Variants in WDR3 observed in about 807,000 individuals in gnomAD.
WDR3 encodes the protein WD repeat-containing protein 3.
Under a neutral mutation model 123.7 loss-of-function variants are expected in WDR3, and 81 were observed. The ratio of observed to expected loss-of-function variants is 0.65; its 90% CI spans 0.55 to 0.79. WDR3 has a LOEUF of 0.79. WDR3 is among the 30% of genes least tolerant of loss of function. The probability of loss-of-function intolerance (pLI) is 0.00; values close to 1 mark genes in which losing one functional copy is unlikely to be tolerated. For missense variants in WDR3, 1,027 were observed against 1,123.2 expected (o/e 0.91, Z 1.22); for synonymous variants, 390 against 388.8 (o/e 1.00, Z -0.04).
In WDR3 at chr1:117,960,541, CAT is replaced by C. The variant is rs1652933044; in HGVS notation, c.*1095_*1096del. The C allele has an allele frequency of 6.6e-6, 1 of 152,236 alleles. No homozygotes were observed. 9.4% of individuals were successfully genotyped at this position (152,236 alleles called of 1,614,324 possible). On this transcript the variant is annotated 3_prime_UTR_variant, in exon 27 of 27. Coordinates refer to ENST00000349139, the MANE Select transcript of WDR3 (RefSeq NM_006784.3). The stretch of plus-strand genomic sequence containing the variant: ...AAGCATCAGCTTTTTCTTGTAATGT[CAT>C]GACTTTTCTCTGCTTTTTGGGAGCA...
rs376720488 is a variant in WDR3 at position 117,953,559 on chromosome 1, G to A, written c.2268+18G>A. On this transcript the variant is annotated intron_variant, in intron 21 of 26. Coordinates refer to ENST00000349139, the MANE Select transcript of WDR3 (RefSeq NM_006784.3). ...TGAAAGCAGTAAGTTGATATAGAAT[G>A]TGGTATCTCGTTTTTTAATAAGATC... 6.2e-7 allele frequency: 1 copy of A among 1,604,698 alleles called. No individual in the cohort carries two copies. Among genetic ancestry groups the A allele is most frequent in the Non-Finnish European group, 8.5e-7 (1 of 1,175,568 alleles).
intron 1 of WDR3, among the ~76,000 whole-genome samples, chr1:117,930,949 ATTTG>A (rs1571005644): frequency 1.3e-5 from 2 of 152,048 alleles, no homozygotes; most frequent in South Asian, 4.1e-4. Flanking sequence ...ATTGTGGAGA[ATTTG>A]TTTATTTATT....
chr1:117,934,431 T>C, intron 2 of WDR3, 42 bp from the exon 3 acceptor site: 1 of 1,598,010 alleles, frequency 6.3e-7, no homozygotes, highest in South Asian at 1.1e-5. Flanking sequence ...CTTGAGTTCA[T>C]GCTTAACTCT....
At chr1:117,936,620 G>A in intron 3 of WDR3, 149 bp from the exon 4 acceptor site, 1 of 500,344 alleles carries the variant, frequency 2.0e-6, no homozygotes, top group Non-Finnish European at 3.5e-6. Flanking sequence ...TAAGGCTGGT[G>A]TTTATTCCCC....
chr1:117,943,394 A>G lies in WDR3; in HGVS notation c.1098-2A>G. 6.2e-7 allele frequency: 1 copy of G among 1,611,770 alleles called. No individual in the cohort carries two copies. The highest frequency in any genetic ancestry group is 1.1e-5 in the South Asian group (1 of 90,740). On this transcript the variant is annotated splice_acceptor_variant, in intron 10 of 26. Transcript: ENST00000349139. LOFTEE classifies it high-confidence loss of function. Reference sequence around the variant, plus strand: ...AACATTTATGATTATTTTCTTGTACAGGTCCTTTGACTTGATTCATTCACC... The same window carrying G: ...AACATTTATGATTATTTTCTTGTACGGGTCCTTTGACTTGATTCATTCACC...
chr1:117,931,581 A>T (rs1650736558), intron 1 of WDR3, among the ~76,000 whole-genome samples: 1 of 152,290 alleles, frequency 6.6e-6, no homozygotes, highest in African/African-American at 2.4e-5. Flanking sequence ...AAACTCTATA[A>T]TTAGTATTCA....
chr1:117,952,080 T>G lies in WDR3; in HGVS notation c.1904+4T>G. ...CTCTCTTTGCACATGATGACAGGTA[T>G]GTATAGTCTTTTCAAATGTCTCCCT... On this transcript the variant is annotated splice_donor_region_variant and intron_variant, in intron 17 of 26. Coordinates refer to ENST00000349139, the MANE Select transcript of WDR3 (RefSeq NM_006784.3). 2 of 1,610,334 alleles carry G rather than the reference T, an allele frequency of 1.2e-6. No homozygotes were observed. Among genetic ancestry groups the G allele is most frequent in the Non-Finnish European group, 8.5e-7 (1 of 1,178,488 alleles).
rs1381007930 is a variant in WDR3 at position 117,940,929 on chromosome 1, G to A, written c.778G>A (p.Ala260Thr). ...AEDGAFETDE[A>T]PEDRILSCRK... ...GGATGGTGCCTTTGAGACGGATGAA[G>A]CCCCTGAGGATGTAATTCATTTTCA... is the stretch of plus-strand genomic sequence containing the variant. The change falls in exon 7 of 27, where the codon GCC becomes ACC. Residue 260 changes from alanine (A) to threonine (T), a missense_variant. By Grantham distance (58) the Ala-to-Thr change is moderately conservative. Coordinates refer to ENST00000349139, the MANE Select transcript of WDR3 (RefSeq NM_006784.3). The A allele has an allele frequency of 1.9e-6, 3 of 1,610,520 alleles. No homozygotes were observed. Among genetic ancestry groups the A allele is most frequent in the Non-Finnish European group, 2.5e-6 (3 of 1,179,102 alleles).
chr1:117,942,286 T>G, intron 9 of WDR3, 151 bp from the exon 10 acceptor site: 1 of 664,836 alleles, frequency 1.5e-6, no homozygotes, highest in Non-Finnish European at 2.7e-6. Context: ...TTATACTACA[T>G]TGTTTAATTA....
chr1:117,955,390 T>C (rs867748915), intron 24 of WDR3, 32 bp downstream of exon 24: 15 of 1,604,172 alleles, frequency 9.4e-6, no homozygotes, highest in Middle Eastern at 1.7e-4. Flanking sequence ...ATTTTTGTAA[T>C]CTGTCAGCAA....
At chr1:117,950,229 G>A (rs1651560300) in intron 15 of WDR3, 99 bp downstream of exon 15, 6 of 1,370,090 alleles carry the variant, frequency 4.4e-6, no homozygotes, top group African/African-American at 1.5e-5. Flanking sequence ...TGTGCCCAGC[G>A]ATAGTACATT....
intron 13 of WDR3, among the ~76,000 whole-genome samples, chr1:117,949,330 C>G (rs2295627): frequency 0.024 from 3,590 of 152,176 alleles, 92 homozygotes; most frequent in South Asian, 0.12. Flanking sequence ...TGTAATGAGA[C>G]TAATTTTCTT....
chr1:117,958,574 G>T (rs535530473), intron 25 of WDR3, among the ~76,000 whole-genome samples: 1 of 152,218 alleles, frequency 6.6e-6, no homozygotes, highest in Non-Finnish European at 1.5e-5. Context: ...TGTTAAGTTA[G>T]CATTTCTTAG....
intron 7 of WDR3, 23 bp downstream of exon 7, chr1:117,940,963 G>A (rs1651151565): frequency 1.9e-6 from 3 of 1,598,474 alleles, no homozygotes; most frequent in African/African-American, 1.4e-5. Flanking sequence ...CATTTCTTAA[G>A]TTTAATTGTG....
Position 117,961,639 on chromosome 1 carries a change from A to G in WDR3, c.*2192A>G, listed in dbSNP as rs1031993274. 2.0e-5 allele frequency: 3 copies of G among 152,184 alleles called. No homozygotes were observed. The highest frequency in any genetic ancestry group is 4.4e-5 in the Non-Finnish European group (3 of 68,038). The allele number at this position is 152,184 out of a possible 1,614,324, so 9.4% of individuals were successfully genotyped here. The stretch of plus-strand genomic sequence containing the variant: ...GGGGCCACCATTTTCTTCTAGGCTC[A>G]GATATGCAGTCCTTGTGGCTTGCCG... On this transcript the variant is annotated 3_prime_UTR_variant, in exon 27 of 27. Transcript: ENST00000349139.
At position 117,964,970 on chromosome 1, in the gene WDR3, A is replaced by G. The variant is rs770910803; in HGVS notation, c.*5523A>G. On this transcript the variant is annotated 3_prime_UTR_variant, in exon 27 of 27. Transcript: ENST00000349139. ...TTCTACTCATTCATATTTTTAATAT[A>G]TATCTTCTGCTCCACTCTCTTCAGC... 7.9e-5 allele frequency: 12 copies of G among 152,154 alleles called. No homozygotes were observed. The highest frequency in any genetic ancestry group is 1.0e-4 in the Non-Finnish European group (7 of 68,032). The allele number at this position is 152,154 out of a possible 1,614,324, so 9.4% of individuals were successfully genotyped here.
chr1:117,964,015 CAT>C lies in WDR3; in HGVS notation c.*4570_*4571del. ...ATAAACCTAAATAACATTTTAGAAT[CAT>C]AGAATTTCTTCTCTGGCAACATCAG... On this transcript the variant is annotated 3_prime_UTR_variant, in exon 27 of 27. Transcript: ENST00000349139. 1 of 1,483,122 alleles carries C rather than the reference CAT, an allele frequency of 6.7e-7. No individual in the cohort carries two copies. 91.9% of individuals were successfully genotyped at this position (1,483,122 alleles called of 1,614,324 possible). A position where few individuals can be genotyped will look rare whatever the true frequency, so the allele number is the denominator to read the frequency against.
At chr1:117,955,226 G>A in intron 23 of WDR3, 89 bp from the exon 24 acceptor site, 1 of 1,077,770 alleles carries the variant, frequency 9.3e-7, no homozygotes. Context: ...AAGAAGGAGG[G>A]GTTCCTGTTT....
intron 21 of WDR3, 150 bp downstream of exon 21, chr1:117,953,691 G>T: frequency 1.3e-6 from 1 of 751,580 alleles, no homozygotes; most frequent in Non-Finnish European, 2.1e-6. Context: ...TCCTTCTCTT[G>T]TAACCAAAGA....
Sources: allele counts gnomAD v4.1 joint callset (sites outside exome capture counted in the v4.1 genomes callset), GRCh38; gene constraint gnomAD v4.1.1; transcripts MANE v1.5; gene names NCBI Gene and HGNC (gene_info 2026-07-23, HGNC 2026-07-21).